Variants in IL1RAPL1 observed in about 807,000 individuals in gnomAD.
The protein encoded by IL1RAPL1 is interleukin 1 receptor accessory protein like 1, also known as interleukin-1 receptor accessory protein-like 1.
Under a neutral mutation model 48.4 loss-of-function variants are expected in IL1RAPL1, and 3 were observed. The observed-to-expected ratio is 0.06, with a 90% CI of 0.03 to 0.16. The LOEUF (loss-of-function observed/expected upper bound fraction) is 0.16. Among genes scored for constraint, IL1RAPL1 ranks in the 10% least tolerant of loss-of-function variants. IL1RAPL1 has a pLI of 1.00. For synonymous variants in IL1RAPL1, 185 were observed against 187.7 expected (o/e 0.99, Z 0.12); for missense variants, 349 against 530.6 (o/e 0.66, Z 3.36).
intron 6 of IL1RAPL1, among the ~76,000 whole-genome samples, chrX:29,705,731 G>A (rs761099218): frequency 1.8e-5 from 2 of 111,966 alleles, no homozygotes; most frequent in South Asian, 7.4e-4. Context: ...TATTTATAGT[G>A]AGAAAACATG....
intron 5 of IL1RAPL1, among the ~76,000 whole-genome samples, chrX:29,531,549 G>A (rs1380019303): frequency 9.0e-6 from 1 of 111,674 alleles, no homozygotes; most frequent in Non-Finnish European, 1.9e-5. Flanking sequence ...ACCCATGAAT[G>A]AAACCGAACG....
chrX:29,074,144 G>A (rs374506208), intron 2 of IL1RAPL1, among the ~76,000 whole-genome samples: 23 of 111,938 alleles, frequency 2.1e-4, no homozygotes, highest in African/African-American at 7.1e-4. Context: ...TTTCAGTTAT[G>A]GAAGGTGAGT....
chrX:28,774,850 A>G (rs1266946643), intron 1 of IL1RAPL1, among the ~76,000 whole-genome samples: 1 of 111,778 alleles, frequency 8.9e-6, no homozygotes, highest in East Asian at 2.8e-4. Flanking sequence ...TCCTCATCTC[A>G]GTAAATGGTA....
chrX:29,786,228 T>C (rs1434122336), intron 6 of IL1RAPL1, among the ~76,000 whole-genome samples: 1 of 111,524 alleles, frequency 9.0e-6, no homozygotes, highest in Non-Finnish European at 1.9e-5. Context: ...GAACGTACAC[T>C]TACTTAGTTG....
Position 29,346,056 on chromosome X carries a change from G to T in IL1RAPL1, c.363-50202G>T, listed in dbSNP as rs917663551. Among the ~76,000 whole-genome samples, 4 of 111,734 alleles carry T rather than the reference G, an allele frequency of 3.6e-5. No homozygotes were observed. In the South Asian group the frequency reaches 1.5e-3, roughly 42 times the overall value. On this transcript the variant is annotated intron_variant, in intron 3 of 10. Transcript: ENST00000378993. ...CAGTTCTTCGATTTGAAGCCCAAAA[G>T]GCTCCAATGAGGAAAAGATTCATTT...
At chrX:29,925,412 GTTTTTTTT>G (rs763481708) in intron 8 of IL1RAPL1, among the ~76,000 whole-genome samples, 2 of 11,464 alleles carry the variant, frequency 1.7e-4, no homozygotes, top group Admixed American at 1.7e-3. Flanking sequence ...TCCCGTAACT[GTTTTTTTT>G]TTTTTTTTTT....
At chrX:29,711,642 T>C (rs1569151635) in intron 6 of IL1RAPL1, among the ~76,000 whole-genome samples, 1 of 111,934 alleles carries the variant, frequency 8.9e-6, no homozygotes, top group Non-Finnish European at 1.9e-5. Context: ...ATGGGTGTAT[T>C]TTATGCTTAA....
intron 6 of IL1RAPL1, among the ~76,000 whole-genome samples, chrX:29,758,316 A>G (rs1397426671): frequency 8.9e-6 from 1 of 111,829 alleles, no homozygotes; most frequent in Non-Finnish European, 1.9e-5. Context: ...ATTACAAAAT[A>G]TGGCAAGACG....
chrX:29,927,027 A>AAGTT (rs1389414697), intron 8 of IL1RAPL1, among the ~76,000 whole-genome samples: 1 of 112,194 alleles, frequency 8.9e-6, no homozygotes. Flanking sequence ...GAATTGACAA[A>AAGTT]AGTTAGGTTT....
intron 5 of IL1RAPL1, among the ~76,000 whole-genome samples, chrX:29,524,475 T>C (rs1336868959): frequency 9.0e-6 from 1 of 111,578 alleles, no homozygotes; most frequent in Non-Finnish European, 1.9e-5. Context: ...GATTTCTGTT[T>C]AATTTGTCTG....
intron 2 of IL1RAPL1, among the ~76,000 whole-genome samples, chrX:28,899,350 G>T (rs944783980): frequency 2.7e-5 from 3 of 111,527 alleles, no homozygotes; most frequent in East Asian, 5.7e-4. Context: ...TAGAGACAGG[G>T]TTTCACCATG....
chrX:28,843,185 T>C (rs1456107040), intron 2 of IL1RAPL1, among the ~76,000 whole-genome samples: 11 of 111,273 alleles, frequency 9.9e-5, no homozygotes, highest in African/African-American at 3.6e-4. Flanking sequence ...TTCTATACCA[T>C]AAAGAAAAAA....
chrX:28,800,598 G>A (rs1936661343), intron 2 of IL1RAPL1, among the ~76,000 whole-genome samples: 2 of 111,001 alleles, frequency 1.8e-5, no homozygotes, highest in African/African-American at 6.6e-5. Context: ...AGCTAAGGGA[G>A]GAAGAAAGAG....
intron 2 of IL1RAPL1, among the ~76,000 whole-genome samples, chrX:28,798,358 G>A (rs780496041): frequency 1.8e-5 from 2 of 111,557 alleles, no homozygotes; most frequent in Non-Finnish European, 3.8e-5. Context: ...TACAAATATA[G>A]TGACTTAAAG....
chrX:29,821,313 G>T (rs1377975627), intron 6 of IL1RAPL1, among the ~76,000 whole-genome samples: 1 of 110,277 alleles, frequency 9.1e-6, no homozygotes, highest in East Asian at 2.9e-4. Context: ...AGCCGGGTGT[G>T]GTGGTGGGCA....
chrX:29,730,862 A>G (rs1927898414), intron 6 of IL1RAPL1, among the ~76,000 whole-genome samples: 1 of 111,805 alleles, frequency 8.9e-6, no homozygotes, highest in Non-Finnish European at 1.9e-5. Context: ...CAGTAAGGCT[A>G]TAACCCAGCC....
intron 1 of IL1RAPL1, among the ~76,000 whole-genome samples, chrX:28,655,008 G>C (rs1410649890): frequency 9.0e-6 from 1 of 111,149 alleles, no homozygotes; most frequent in Non-Finnish European, 1.9e-5. Flanking sequence ...GGTGCCGTTG[G>C]GGGTGGGAGG....
chrX:28,642,378 C>T (rs188464435), intron 1 of IL1RAPL1, among the ~76,000 whole-genome samples: 37 of 111,987 alleles, frequency 3.3e-4, no homozygotes, highest in Admixed American at 5.7e-4. Context: ...AGTACCACAT[C>T]GCAGTTATTC....
intron 6 of IL1RAPL1, among the ~76,000 whole-genome samples, chrX:29,774,794 G>C (rs1456626949): frequency 9.0e-6 from 1 of 111,534 alleles, no homozygotes; most frequent in Non-Finnish European, 1.9e-5. Context: ...GCTTCATTTG[G>C]ATGTATTTTT....
Sources: allele counts gnomAD v4.1 joint callset (sites outside exome capture counted in the v4.1 genomes callset), GRCh38; gene constraint gnomAD v4.1.1; transcripts MANE v1.5; gene names NCBI Gene and HGNC (gene_info 2026-07-23, HGNC 2026-07-21).